Variants in FZD5 observed in about 807,000 individuals in gnomAD.
The protein encoded by FZD5 is frizzled-5.
In FZD5, 12 loss-of-function variants were observed where a neutral mutation model predicts 40.8. That is an observed-to-expected ratio of 0.29 (90% CI 0.19 to 0.48). The LOEUF (loss-of-function observed/expected upper bound fraction) is 0.48, where lower values mean the gene tolerates loss of function less well. Ranked by LOEUF, FZD5 falls within the 20% of genes least tolerant of loss-of-function variation. The pLI, the probability that FZD5 is intolerant of heterozygous loss-of-function variation, is 0.99. For synonymous variants in FZD5, 380 were observed against 383.7 expected, an observed-to-expected ratio of 0.99 and a Z score of 0.11; for missense variants, 622 against 832.8, an observed-to-expected ratio of 0.75 and a Z score of 3.12.
chr2:207,767,102 C>T lies in FZD5; in HGVS notation c.1638G>A (p.Lys546=). ...CCCCTGCGGCCATGGCGCCCCCGCT[C>T]TTGTGGCCGCGCCGCGGGCGGCAGC... The part of the protein sequence containing the change: ...RCCCRPRRGH[K]SGGAMAAGDY... The change falls in exon 2 of 2, where the codon AAG becomes AAA. Residue 546 remains lysine (K), a synonymous_variant. Transcript: ENST00000295417. 1 of 1,577,374 alleles carries T rather than the reference C, an allele frequency of 6.3e-7. No homozygotes were observed. The highest frequency in any genetic ancestry group is 8.6e-7 in the Non-Finnish European group (1 of 1,162,286).
chr2:207,767,429 G>A lies in FZD5; in HGVS notation c.1311C>T (p.Gly437=), dbSNP rs1410634063. 7 of 1,612,456 alleles carry A rather than the reference G, an allele frequency of 4.3e-6. No homozygotes were observed. The African/African-American group carries it at 6.7e-5, about 15-fold the overall frequency. The change falls in exon 2 of 2, where the codon GGC becomes GGT. Residue 437 remains glycine (G), a synonymous_variant. Coordinates refer to ENST00000295417, the MANE Select transcript of FZD5 (RefSeq NM_003468.4). ...GCTTCTCCAGCTTGTCCGTCTTGGT[G>A]CCGCCCTGCTTGATGACGCTGCGGA... ...FRIRSVIKQG[G]TKTDKLEKLM... is the part of the protein sequence containing the mutation.
chr2:207,767,654 C>A lies in FZD5; in HGVS notation c.1086G>T (p.Leu362=). 6.2e-7 allele frequency: 1 copy of A among 1,613,378 alleles called. No homozygotes were observed. The highest frequency in any genetic ancestry group is 8.5e-7 in the Non-Finnish European group (1 of 1,179,734). The change falls in exon 2 of 2, where the codon CTG becomes CTT. Residue 362 remains leucine, a synonymous_variant. Coordinates refer to ENST00000295417, the MANE Select transcript of FZD5 (RefSeq NM_003468.4). ...AIAGYAQYFH[L]AAWLIPSVKS... ...TGACGCTGGGGATGAGCCACGCAGC[C>A]AGGTGGAAGTACTGCGCGTAGCCCG...
At position 207,768,695 on chromosome 2, in the gene FZD5, C is replaced by T. The variant is rs2105852152; in HGVS notation, c.45G>A (p.Leu15=). ...DPSAPPSLLL[L]LLAQLVGRAA... ...CCCGGCCCACCAGCTGCGCTAGGAG[C>T]AGCAGCAACAGCGAGGGCGGCGCGG... The change falls in exon 2 of 2, where the codon CTG becomes CTA. Residue 15 remains leucine, a synonymous_variant. Coordinates refer to ENST00000295417, the MANE Select transcript of FZD5 (RefSeq NM_003468.4). 6.2e-7 allele frequency: 1 copy of T among 1,600,374 alleles called. No homozygotes were observed. The highest frequency in any genetic ancestry group is 8.5e-7 in the Non-Finnish European group (1 of 1,173,776).
Position 207,766,685 on chromosome 2 carries a change from T to C in FZD5, c.*297A>G. 1 of 286,194 alleles carries C rather than the reference T, an allele frequency of 3.5e-6. No homozygotes were observed. The allele number at this position is 286,194 out of a possible 1,614,324, so 17.7% of individuals were successfully genotyped here. A position where few individuals can be genotyped will look rare whatever the true frequency, so the allele number is the denominator to read the frequency against. On this transcript the variant is annotated 3_prime_UTR_variant, in exon 2 of 2. Transcript: ENST00000295417. ...GATTGTAAAGCCCCCAAAGCAAAGGTAAATTGTTGCCAAAATGCAACAAAG... is the reference window on the plus strand; with the variant it reads ...GATTGTAAAGCCCCCAAAGCAAAGGCAAATTGTTGCCAAAATGCAACAAAG...
In FZD5 at chr2:207,765,483, TAATG is replaced by T. The variant is rs2091974599; in HGVS notation, c.*1495_*1498del. 6.6e-6 allele frequency: 1 copy of T among 152,234 alleles called. No individual in the cohort carries two copies. Among genetic ancestry groups the T allele is most frequent in the African/African-American group, 2.4e-5 (1 of 41,464 alleles). The allele number at this position is 152,234 out of a possible 1,614,324, so 9.4% of individuals were successfully genotyped here. ...GTATGTTCATCAATATAAGCGTTCA[TAATG>T]AATGAAGGAATAGTTAAACAGATTA... On this transcript the variant is annotated 3_prime_UTR_variant, in exon 2 of 2. Coordinates refer to ENST00000295417, the MANE Select transcript of FZD5 (RefSeq NM_003468.4).
At position 207,767,198 on chromosome 2, in the gene FZD5, G is replaced by A; in HGVS notation, c.1542C>T (p.Gly514=). The A allele has an allele frequency of 1.2e-6, 2 of 1,605,966 alleles. No individual in the cohort carries two copies. The highest frequency in any genetic ancestry group is 8.5e-7 in the Non-Finnish European group (1 of 1,176,750). The part of the protein sequence containing the change: ...MLKYFMCLVV[G]ITSGVWIWSG... ...ACCAGATCCAGACGCCCGACGTGAT[G>A]CCCACCACCAGGCACATGAAGTACT... Residue 514 remains glycine (G), a synonymous_variant, in exon 2 of 2, where the codon GGC becomes GGT. Coordinates refer to ENST00000295417, the MANE Select transcript of FZD5 (RefSeq NM_003468.4).
At position 207,762,746 on chromosome 2, in the gene FZD5, AAATAT is replaced by A. The variant is rs1214675027; in HGVS notation, c.*4231_*4235del. ...TCAAATGATTATTTTACCTTCCCAC[AAATAT>A]AATACATACAAAATTTTTCTGAAGT... On this transcript the variant is annotated 3_prime_UTR_variant, in exon 2 of 2. Transcript: ENST00000295417. The A allele has an allele frequency of 1.5e-4, 23 of 152,658 alleles. No homozygotes were observed. Among genetic ancestry groups the A allele is most frequent in the African/African-American group, 4.8e-4 (20 of 41,456 alleles). 9.5% of individuals were successfully genotyped at this position (152,658 alleles called of 1,614,324 possible).
rs1281446308 is a variant in FZD5 at position 207,765,852 on chromosome 2, AGAG to A, written c.*1127_*1129del. 3.3e-5 allele frequency: 5 copies of A among 150,188 alleles called. No homozygotes were observed. Among genetic ancestry groups the A allele is most frequent in the Admixed American group, 1.3e-4 (2 of 15,106 alleles). The allele number at this position is 150,188 out of a possible 1,614,324, so 9.3% of individuals were successfully genotyped here. On this transcript the variant is annotated 3_prime_UTR_variant, in exon 2 of 2. Coordinates refer to ENST00000295417, the MANE Select transcript of FZD5 (RefSeq NM_003468.4). ...TGGTTTCTAATCACAGCTCTCCAGG[AGAG>A]GAGGAATAAGAAAAGCAAAAAGGCT...
In FZD5 at chr2:207,767,245, C is replaced by T. The variant is rs1223250135; in HGVS notation, c.1495G>A (p.Glu499Lys). ...HDTGQPRAKP[E>K]YWVLMLKYFM... ...TACTTGAGCATGAGCACCCAGTACT[C>T]GGGCTTGGCGCGCGGCTGGCCGGTG... The change falls in exon 2 of 2, where the codon GAG becomes AAG. Residue 499 changes from glutamate to lysine, a missense_variant. Transcript: ENST00000295417. The T allele has an allele frequency of 1.2e-6, 2 of 1,610,260 alleles. No individual in the cohort carries two copies. The highest frequency in any genetic ancestry group is 2.7e-5 in the African/African-American group (2 of 74,850).
In FZD5 at chr2:207,766,205, A is replaced by G. The variant is rs1160566827; in HGVS notation, c.*777T>C. 1.3e-5 allele frequency: 2 copies of G among 151,986 alleles called. No homozygotes were observed. Among genetic ancestry groups the G allele is most frequent in the Non-Finnish European group, 2.9e-5 (2 of 68,036 alleles). The allele number at this position is 151,986 out of a possible 1,614,324, so 9.4% of individuals were successfully genotyped here. On this transcript the variant is annotated 3_prime_UTR_variant, in exon 2 of 2. Coordinates refer to ENST00000295417, the MANE Select transcript of FZD5 (RefSeq NM_003468.4). ...AATCACCATCGCTTAGGCTCTCACT[A>G]CTGCAAATATTTATGCCAGATCCTC...
In FZD5 at chr2:207,766,782, T is replaced by C. The variant is rs1021564569; in HGVS notation, c.*200A>G. 14 of 429,244 alleles carry C rather than the reference T, an allele frequency of 3.3e-5. No homozygotes were observed. Among genetic ancestry groups the C allele is most frequent in the African/African-American group, 2.6e-4 (13 of 49,226 alleles). 26.6% of individuals were successfully genotyped at this position (429,244 alleles called of 1,614,324 possible). ...AAAGAAGGCAGTAAGAAACGCAAAA[T>C]AGAATACACGTGAGCTGGGCCCCTT... On this transcript the variant is annotated 3_prime_UTR_variant, in exon 2 of 2. Coordinates refer to ENST00000295417, the MANE Select transcript of FZD5 (RefSeq NM_003468.4).
Position 207,768,956 on chromosome 2 carries a change from G to T in FZD5, c.-217C>A. The T allele has an allele frequency of 1.7e-6, 1 of 582,646 alleles. No individual in the cohort carries two copies. Among genetic ancestry groups the T allele is most frequent in the African/African-American group, 2.0e-5 (1 of 50,956 alleles). The allele number at this position is 582,646 out of a possible 1,614,324, so 36.1% of individuals were successfully genotyped here. A position where few individuals can be genotyped will look rare whatever the true frequency, so the allele number is the denominator to read the frequency against. On this transcript the variant is annotated 5_prime_UTR_variant, in exon 2 of 2. Transcript: ENST00000295417. The stretch of plus-strand genomic sequence containing the variant: ...CTCCGCTCCTCGCCGGATAGGGCTG[G>T]GGAGAGACGGTTAGGGCTCGGATTC...
Position 207,768,449 on chromosome 2 carries a change from G to T in FZD5, c.291C>A (p.Asp97Glu). ...GGCAGGGCGGCAGCGGCTTGTGGTA[G>T]TCGGGCAGACAGATGGGCGTGTACA... ...CSMYTPICLP[D>E]YHKPLPPCRS... The change falls in exon 2 of 2, where the codon GAC (aspartate) becomes GAA (glutamate). Residue 97 changes from aspartate (D) to glutamate (E), a missense_variant. By Grantham distance (45) the Asp-to-Glu change is conservative. Coordinates refer to ENST00000295417, the MANE Select transcript of FZD5 (RefSeq NM_003468.4). The T allele has an allele frequency of 6.2e-7, 1 of 1,609,996 alleles. No homozygotes were observed. Among genetic ancestry groups the T allele is most frequent in the Non-Finnish European group, 8.5e-7 (1 of 1,179,736 alleles).
rs1303443057 is a variant in FZD5 at position 207,764,024 on chromosome 2, A to G, written c.*2958T>C. The G allele has an allele frequency of 6.6e-6, 1 of 152,668 alleles. No homozygotes were observed. Among genetic ancestry groups the G allele is most frequent in the African/African-American group, 2.4e-5 (1 of 41,460 alleles). The allele number at this position is 152,668 out of a possible 1,614,324, so 9.5% of individuals were successfully genotyped here. A position where few individuals can be genotyped will look rare whatever the true frequency, so the allele number is the denominator to read the frequency against. The stretch of plus-strand genomic sequence containing the variant: ...TTCCAGTCAATTTTACCATTTCAAA[A>G]TGTGAGAAGGAAAATCATAGAAATT... On this transcript the variant is annotated 3_prime_UTR_variant, in exon 2 of 2. Coordinates refer to ENST00000295417, the MANE Select transcript of FZD5 (RefSeq NM_003468.4).
Position 207,768,895 on chromosome 2 carries a change from A to C in FZD5, c.-156T>G. ...CTTTAAAGAAAACCGTCCAAAGATA[A>C]ACTGCTTCGGGAAGGCGCTGCCTCC... is the stretch of plus-strand genomic sequence containing the variant. On this transcript the variant is annotated 5_prime_UTR_variant, in exon 2 of 2. Transcript: ENST00000295417. 4.7e-6 allele frequency: 3 copies of C among 639,234 alleles called. No individual in the cohort carries two copies. Among genetic ancestry groups the C allele is most frequent in the East Asian group, 2.9e-5 (1 of 34,212 alleles). 39.6% of individuals were successfully genotyped at this position (639,234 alleles called of 1,614,324 possible).
Position 207,765,452 on chromosome 2 carries a change from C to T in FZD5, c.*1530G>A, listed in dbSNP as rs1004216414. ...GAATTTTCTAATAGCAAAGAAACCT[C>T]TGTGTGTATGTTCATCAATATAAGC... On this transcript the variant is annotated 3_prime_UTR_variant, in exon 2 of 2. Transcript: ENST00000295417. The T allele has an allele frequency of 6.6e-6, 1 of 152,132 alleles. No individual in the cohort carries two copies. The highest frequency in any genetic ancestry group is 2.4e-5 in the African/African-American group (1 of 41,412). 9.4% of individuals were successfully genotyped at this position (152,132 alleles called of 1,614,324 possible). A position where few individuals can be genotyped will look rare whatever the true frequency, so the allele number is the denominator to read the frequency against.
Position 207,764,817 on chromosome 2 carries a change from G to C in FZD5, c.*2165C>G, listed in dbSNP as rs76167276. On this transcript the variant is annotated 3_prime_UTR_variant, in exon 2 of 2. Coordinates refer to ENST00000295417, the MANE Select transcript of FZD5 (RefSeq NM_003468.4). ...GAGCAGTCTGTCTACTTTCTGGGAA[G>C]ACATATGAAATGAGGGAAAAGGTCA... 1.1e-3 allele frequency: 166 copies of C among 152,306 alleles called. 2 individuals are homozygous for C. The highest frequency in any genetic ancestry group is 3.7e-3 in the African/African-American group (153 of 41,552). 9.4% of individuals were successfully genotyped at this position (152,306 alleles called of 1,614,324 possible). A position where few individuals can be genotyped will look rare whatever the true frequency, so the allele number is the denominator to read the frequency against.
chr2:207,768,090 T>C lies in FZD5; in HGVS notation c.650A>G (p.Asn217Ser). The C allele has an allele frequency of 6.2e-7, 1 of 1,613,550 alleles. No homozygotes were observed. Among genetic ancestry groups the C allele is most frequent in the East Asian group, 2.2e-5 (1 of 44,852 alleles). ...YNKVRTGQVPNCAVPCYQPSF... is the reference protein window; with the variant it reads ...YNKVRTGQVPSCAVPCYQPSF... Reference sequence around the variant, plus strand: ...CGGCTGGTAGCAGGGTACCGCGCAGTTGGGCACCTGGCCCGTCCGCACCTT... The same window carrying C: ...CGGCTGGTAGCAGGGTACCGCGCAGCTGGGCACCTGGCCCGTCCGCACCTT... The change falls in exon 2 of 2, where the codon AAC (asparagine) becomes AGC (serine). Residue 217 changes from asparagine to serine, a missense_variant. Asn to Ser is a conservative substitution (Grantham distance 46). Coordinates refer to ENST00000295417, the MANE Select transcript of FZD5 (RefSeq NM_003468.4).
rs772484983 is a variant in FZD5, at chr2:207,768,597, A to T, written c.143T>A (p.Leu48Gln). ...VPMCRGIGYN[L>Q]THMPNQFNHD... is the part of the protein sequence containing the mutation. ...GTTGAACTGGTTGGGCATGTGCGTCAGGTTGTAGCCGATGCCGCGGCACAT... is the reference window on the plus strand; with the variant it reads ...GTTGAACTGGTTGGGCATGTGCGTCTGGTTGTAGCCGATGCCGCGGCACAT... The change falls in exon 2 of 2, where the codon CTG becomes CAG. Residue 48 changes from leucine to glutamine, a missense_variant. Leu to Gln is a moderately radical substitution (Grantham distance 113). This residue lies in a region of FZD5 where 144 missense variants were observed against 214.2 expected (regional missense o/e 0.67). Coordinates refer to ENST00000295417, the MANE Select transcript of FZD5 (RefSeq NM_003468.4). 9.9e-6 allele frequency: 16 copies of T among 1,613,742 alleles called. No homozygotes were observed. The African/African-American group carries it at 1.9e-4, about 19-fold the overall frequency.
Sources: gnomAD v4.1 joint callset for allele counts on GRCh38, gnomAD v4.1.1 for gene constraint, gnomAD v4.1.1 regional missense constraint, MANE v1.5 for transcripts, NCBI Gene and HGNC (gene_info 2026-07-23, HGNC 2026-07-21) for gene names.